KLRK1: variants seen among roughly 807,000 people sequenced by gnomAD.
KLRK1 encodes the protein killer cell lectin like receptor K1.
A neutral mutation model predicts 31.3 loss-of-function variants in KLRK1; 40 were observed. The ratio of observed to expected loss-of-function variants is 1.28; its 90% confidence interval spans 0.99 to 1.67. The LOEUF (loss-of-function observed/expected upper bound fraction) is 1.67. Among genes scored for constraint, KLRK1 ranks in the 40% most tolerant of loss-of-function variants. The pLI, the probability that KLRK1 is intolerant of heterozygous loss-of-function variation, is 0.00. For missense variants in KLRK1, 251 were observed against 260.0 expected (o/e 0.97, Z 0.24); for synonymous variants, 77 against 77.3 (o/e 1.00, Z 0.02).
intron 1 of KLRK1, among the ~76,000 whole-genome samples, chr12:10,389,639 A>G (rs1863238209): frequency 6.6e-6 from 1 of 152,108 alleles, no homozygotes; most frequent in African/African-American, 2.4e-5. Flanking sequence ...TTGAATCTCA[A>G]TTCTTCTCAT....
intron 2 of KLRK1, 47 bp from the exon 3 acceptor site, chr12:10,387,057 A>G: frequency 6.8e-7 from 1 of 1,472,952 alleles, no homozygotes; most frequent in Non-Finnish European, 9.2e-7. Flanking sequence ...CCTTTCTGCC[A>G]TTTGGGGCAT....
At chr12:10,377,243 G>C (rs1301265318) in intron 7 of KLRK1, among the ~76,000 whole-genome samples, 1 of 152,108 alleles carries the variant, frequency 6.6e-6, no homozygotes, top group Admixed American at 6.5e-5. Context: ...CACCACTTTG[G>C]ATAACAGTGT....
At chr12:10,379,322 C>G in intron 5 of KLRK1, 125 bp downstream of exon 5, 1 of 406,740 alleles carries the variant, frequency 2.5e-6, no homozygotes, top group Non-Finnish European at 4.1e-6. Context: ...AAAACAGAAG[C>G]CATAGTGTAT....
chr12:10,378,212 T>C lies in KLRK1; in HGVS notation c.453A>G (p.Ser151=), dbSNP rs377268552. 6.2e-7 allele frequency: 1 copy of C among 1,613,542 alleles called. No individual in the cohort carries two copies. Among genetic ancestry groups the C allele is most frequent in the African/African-American group, 1.3e-5 (1 of 74,916 alleles). ...EDQDLLKLVK[S]YHWMGLVHIP... Reference sequence around the variant, plus strand: ...TGTGTACTAGTCCCATCCAATGATATGACTTCACCAGTTTAAGTAAATCCT... The same window carrying C: ...TGTGTACTAGTCCCATCCAATGATACGACTTCACCAGTTTAAGTAAATCCT... Residue 151 remains serine (S), a synonymous_variant, in exon 7 of 8, where the codon TCA becomes TCG. Transcript: ENST00000240618.
chr12:10,380,321 T>C (rs1863050939), intron 3 of KLRK1, among the ~76,000 whole-genome samples: 1 of 152,148 alleles, frequency 6.6e-6, no homozygotes, highest in African/African-American at 2.4e-5. Context: ...CGCCTCGGCC[T>C]CCCAAAGTGC....
intron 6 of KLRK1, 39 bp from the exon 7 acceptor site, chr12:10,378,274 G>T (rs1863002792): frequency 1.9e-6 from 3 of 1,592,120 alleles, no homozygotes; most frequent in Middle Eastern, 1.7e-4. Flanking sequence ...TAAAATCAGT[G>T]TTGATAATTT....
At chr12:10,386,853 A>G in intron 3 of KLRK1, 50 bp downstream of exon 3, 2 of 1,447,784 alleles carry the variant, frequency 1.4e-6, no homozygotes, top group East Asian at 2.5e-5. Context: ...CATAGTTTCC[A>G]AGATTCATTT....
chr12:10,381,504 G>C (rs1344903218), intron 3 of KLRK1, among the ~76,000 whole-genome samples: 1 of 151,952 alleles, frequency 6.6e-6, no homozygotes. Flanking sequence ...AAAGAGAAAG[G>C]AATCAAACAT....
At chr12:10,375,382 A>G (rs560557170) in intron 7 of KLRK1, among the ~76,000 whole-genome samples, 1 of 152,318 alleles carries the variant, frequency 6.6e-6, no homozygotes, top group East Asian at 1.9e-4. Context: ...GTTATTTAAC[A>G]TGTTAAGATT....
chr12:10,383,268 C>T (rs1046825645), intron 3 of KLRK1, among the ~76,000 whole-genome samples: 24 of 151,932 alleles, frequency 1.6e-4, no homozygotes, highest in African/African-American at 5.3e-4. Flanking sequence ...ACCCACTTTG[C>T]TCATAAAAAC....
intron 3 of KLRK1, among the ~76,000 whole-genome samples, chr12:10,380,059 G>GTTTTTTTTTTTTTTTTTTT (rs1162094591): frequency 1.2e-5 from 1 of 83,766 alleles, no homozygotes; most frequent in Admixed American, 1.7e-4. Flanking sequence ...TGTTGTTATT[G>GTTTTTTTTTTTTTTTTTTT]TTTTTTTTTT....
chr12:10,380,210 T>C (rs184427692), intron 3 of KLRK1, among the ~76,000 whole-genome samples: 2,443 of 151,760 alleles, frequency 0.016, 59 homozygotes, highest in African/African-American at 0.056. Flanking sequence ...GGACTACAGG[T>C]GCCCGCCACC....
At chr12:10,383,067 C>T (rs1863106105) in intron 3 of KLRK1, among the ~76,000 whole-genome samples, 1 of 151,948 alleles carries the variant, frequency 6.6e-6, no homozygotes, top group African/African-American at 2.4e-5. Context: ...GCAACTTAAT[C>T]ACAAAGGAAG....
chr12:10,372,925 T>A lies in KLRK1; in HGVS notation c.*189A>T. On this transcript the variant is annotated 3_prime_UTR_variant, in exon 8 of 8. Coordinates refer to ENST00000240618, the MANE Select transcript of KLRK1 (RefSeq NM_007360.4). ...ATTGCCTTTAGGATCTCTCTTCTTT[T>A]GTCTTGGAGAATCATGCATGTTTGC... The A allele has an allele frequency of 3.6e-6, 2 of 554,698 alleles. No individual in the cohort carries two copies. The highest frequency in any genetic ancestry group is 6.2e-6 in the Non-Finnish European group (2 of 322,922). 34.4% of individuals were successfully genotyped at this position (554,698 alleles called of 1,614,324 possible).
At position 10,386,995 on chromosome 12, in the gene KLRK1, T is replaced by C. The variant is rs745839125; in HGVS notation, c.56A>G (p.His19Arg). 8.7e-6 allele frequency: 14 copies of C among 1,610,536 alleles called. No homozygotes were observed. Among genetic ancestry groups the C allele is most frequent in the Non-Finnish European group, 5.1e-6 (6 of 1,178,364 alleles). ...CTTCTTCAGATCCAAGTTATAATTA[T>C]GAAATTCACTCATCTCTAGAGAAAA... ...SRHSWEMSEF[H>R]NYNLDLKKSD... Residue 19 changes from histidine (H) to arginine (R), a missense_variant, in exon 3 of 8, where the codon CAT becomes CGT. By Grantham distance (29) the His-to-Arg change is conservative (BLOSUM62 0). Coordinates refer to ENST00000240618, the MANE Select transcript of KLRK1 (RefSeq NM_007360.4).
intron 5 of KLRK1, 170 bp downstream of exon 5, chr12:10,379,277 C>T: frequency 4.5e-6 from 1 of 223,126 alleles, no homozygotes; most frequent in East Asian, 9.3e-5. Flanking sequence ...TAAGTAGCCT[C>T]TACTTTTTAC....
intron 3 of KLRK1, among the ~76,000 whole-genome samples, chr12:10,385,058 GA>G (rs1863141687): frequency 6.6e-6 from 1 of 151,916 alleles, no homozygotes; most frequent in Non-Finnish European, 1.5e-5. Flanking sequence ...ACCCTAGTTA[GA>G]ATAGCTATTA....
At chr12:10,380,117 G>C (rs1227997214) in intron 3 of KLRK1, among the ~76,000 whole-genome samples, 1 of 140,160 alleles carries the variant, frequency 7.1e-6, no homozygotes, top group Non-Finnish European at 1.5e-5. Flanking sequence ...CCAGGCTGGA[G>C]TGCAGTGGCG....
intron 6 of KLRK1, 38 bp from the exon 7 acceptor site, chr12:10,378,273 T>C: frequency 6.3e-7 from 1 of 1,594,116 alleles, no homozygotes; most frequent in African/African-American, 1.3e-5. Flanking sequence ...GTAAAATCAG[T>C]GTTGATAATT....
Sources: allele counts gnomAD v4.1 joint callset (sites outside exome capture counted in the v4.1 genomes callset), GRCh38; gene constraint gnomAD v4.1.1; transcripts MANE v1.5; gene names NCBI Gene and HGNC (gene_info 2026-07-23, HGNC 2026-07-21).